The following PDE5A variants were observed in gnomAD, a reference collection of about 807,000 sequenced individuals.
PDE5A encodes phosphodiesterase 5A, also known as cGMP-specific 3',5'-cyclic phosphodiesterase.
In PDE5A, 67 loss-of-function variants were observed where a neutral mutation model predicts 110.2. The observed-to-expected ratio is 0.61, with a 90% CI of 0.50 to 0.75. The LOEUF (loss-of-function observed/expected upper bound fraction) is 0.75. Among genes scored for constraint, PDE5A ranks in the 30% least tolerant of loss-of-function variants. The pLI is 0.00. For missense variants in PDE5A, 862 were observed against 1,045.1 expected, an observed-to-expected ratio of 0.82 and a Z score of 2.42; for synonymous variants, 328 against 351.2, an observed-to-expected ratio of 0.93 and a Z score of 0.74.
intron 3 of PDE5A, among the ~76,000 whole-genome samples, chr4:119,592,144 CTG>C (rs1367082516): frequency 1.7e-5 from 1 of 57,930 alleles, no homozygotes; most frequent in African/African-American, 7.4e-5. Flanking sequence ...GAGTGAGACT[CTG>C]TCTCAAAAAA....
At chr4:119,515,811 T>C (rs1725890720) in intron 14 of PDE5A, among the ~76,000 whole-genome samples, 1 of 152,172 alleles carries the variant, frequency 6.6e-6, no homozygotes, top group African/African-American at 2.4e-5. Flanking sequence ...AACAGCTTTC[T>C]AGTTGAGCTC....
At chr4:119,502,394 A>G in intron 19 of PDE5A, 187 bp downstream of exon 19, 1 of 465,886 alleles carries the variant, frequency 2.1e-6, no homozygotes, top group Admixed American at 3.9e-5. Flanking sequence ...AAGAGTCTTT[A>G]TTATGCCTTT....
At position 119,502,574 on chromosome 4, in the gene PDE5A, T is replaced by A; in HGVS notation, c.2406+7A>T. Reference sequence around the variant, plus strand: ...AATAATTCCTACCAACAAGGTTTCATACTTACAGTGGGTTCTATGTTGAGT... The same window carrying A: ...AATAATTCCTACCAACAAGGTTTCAAACTTACAGTGGGTTCTATGTTGAGT... On this transcript the variant is annotated splice_region_variant and intron_variant, in intron 19 of 20. Coordinates refer to ENST00000354960, the MANE Select transcript of PDE5A (RefSeq NM_001083.4). The A allele has an allele frequency of 6.5e-7, 1 of 1,535,652 alleles. No homozygotes were observed. The highest frequency in any genetic ancestry group is 9.0e-7 in the Non-Finnish European group (1 of 1,116,218).
intron 14 of PDE5A, among the ~76,000 whole-genome samples, chr4:119,515,488 C>T (rs761385329): frequency 3.3e-5 from 5 of 152,116 alleles, no homozygotes; most frequent in Non-Finnish European, 5.9e-5. Context: ...AAAACACATT[C>T]GTTCGATCAT....
chr4:119,620,821 T>C (rs1730116965), intron 1 of PDE5A, among the ~76,000 whole-genome samples: 1 of 152,234 alleles, frequency 6.6e-6, no homozygotes, highest in South Asian at 2.1e-4. Context: ...AAATTTAATA[T>C]GCATATATGC....
At chr4:119,561,083 C>T (rs113057226) in intron 6 of PDE5A, among the ~76,000 whole-genome samples, 4,331 of 152,226 alleles carry the variant, frequency 0.028, 86 homozygotes, top group South Asian at 0.067. Flanking sequence ...ATGGTGAGAT[C>T]GTGCCACTGC....
chr4:119,596,970 T>C (rs529660135), intron 2 of PDE5A, among the ~76,000 whole-genome samples: 2 of 152,262 alleles, frequency 1.3e-5, no homozygotes, highest in African/African-American at 2.4e-5. Context: ...CCTGATTCTA[T>C]TGTGCCTCCA....
intron 1 of PDE5A, among the ~76,000 whole-genome samples, chr4:119,608,083 A>G (rs766734297): frequency 6.6e-6 from 1 of 152,234 alleles, no homozygotes; most frequent in Non-Finnish European, 1.5e-5. Flanking sequence ...AAAGTAGATA[A>G]GTTTAGAAGG....
intron 14 of PDE5A, among the ~76,000 whole-genome samples, chr4:119,513,477 C>T (rs1725815177): frequency 1.3e-5 from 2 of 152,144 alleles, no homozygotes; most frequent in African/African-American, 4.8e-5. Flanking sequence ...TTCTGCATTC[C>T]TGCTCCCTGG....
At chr4:119,558,391 G>C (rs914949865) in intron 7 of PDE5A, among the ~76,000 whole-genome samples, 3 of 152,072 alleles carry the variant, frequency 2.0e-5, no homozygotes, top group African/African-American at 7.2e-5. Flanking sequence ...ATAACTTCCT[G>C]AAAAGAATGA....
chr4:119,523,154 T>A (rs1352383197), intron 12 of PDE5A, among the ~76,000 whole-genome samples: 1 of 152,084 alleles, frequency 6.6e-6, no homozygotes, highest in Non-Finnish European at 1.5e-5. Context: ...TAAGTCAGGC[T>A]CTGAAGAAGA....
intron 3 of PDE5A, among the ~76,000 whole-genome samples, chr4:119,585,516 G>T (rs1020225260): frequency 2.6e-5 from 4 of 152,068 alleles, no homozygotes; most frequent in Non-Finnish European, 5.9e-5. Flanking sequence ...AACTCAAAAT[G>T]ATTTTAAGAG....
chr4:119,619,791 G>A (rs2110563306), intron 1 of PDE5A, among the ~76,000 whole-genome samples: 1 of 152,244 alleles, frequency 6.6e-6, no homozygotes, highest in South Asian at 2.1e-4. Flanking sequence ...ACACTATGAG[G>A]TAAATGACAT....
intron 6 of PDE5A, among the ~76,000 whole-genome samples, chr4:119,562,063 A>G (rs1005062971): frequency 2.0e-5 from 3 of 152,218 alleles, no homozygotes; most frequent in African/African-American, 7.2e-5. Context: ...CTAAAGGAAA[A>G]AGAAAACAAA....
At chr4:119,605,024 C>T (rs1254431615) in intron 2 of PDE5A, among the ~76,000 whole-genome samples, 1 of 152,044 alleles carries the variant, frequency 6.6e-6, no homozygotes, top group Non-Finnish European at 1.5e-5. Context: ...TAGCATTTTC[C>T]CCTCTAATTC....
At chr4:119,554,338 TA>T (rs1169473332) in intron 7 of PDE5A, among the ~76,000 whole-genome samples, 1 of 152,174 alleles carries the variant, frequency 6.6e-6, no homozygotes, top group Non-Finnish European at 1.5e-5. Flanking sequence ...AAGATACTTT[TA>T]AAATTAAAAA....
chr4:119,618,133 A>G (rs1285093195), intron 1 of PDE5A, among the ~76,000 whole-genome samples: 2 of 152,164 alleles, frequency 1.3e-5, no homozygotes, highest in African/African-American at 4.8e-5. Context: ...CCTCTTTCTA[A>G]GAATATGACC....
At chr4:119,547,219 A>G (rs1222970565) in intron 9 of PDE5A, among the ~76,000 whole-genome samples, 2 of 150,412 alleles carry the variant, frequency 1.3e-5, no homozygotes, top group African/African-American at 2.4e-5. Context: ...GAAATTCCCC[A>G]TTTCACCAAA....
chr4:119,508,619 C>A (rs1486210911), intron 15 of PDE5A, among the ~76,000 whole-genome samples: 1 of 151,936 alleles, frequency 6.6e-6, no homozygotes, highest in Non-Finnish European at 1.5e-5. Flanking sequence ...TGGCATGGAT[C>A]TAATTAATGA....
Sources: gnomAD v4.1 joint callset for allele counts (sites outside exome capture counted in the v4.1 genomes callset) on GRCh38, gnomAD v4.1.1 for gene constraint, MANE v1.5 for transcripts, NCBI Gene and HGNC (gene_info 2026-07-23, HGNC 2026-07-21) for gene names.